Variants in QTMAN observed in about 807,000 individuals in gnomAD.
The protein encoded by QTMAN is queuosine-tRNA mannosyltransferase.
chr2:144,107,862 A>G, the QTMAN span, among the ~76,000 whole-genome samples: 22 of 152,338 alleles, frequency 1.4e-4, no homozygotes, highest in Admixed American at 2.6e-4. Context: ...TCAATAAAAT[A>G]CTGGCAAACC....
At chr2:143,984,588 TG>T in the QTMAN span, among the ~76,000 whole-genome samples, 2 of 152,336 alleles carry the variant, frequency 1.3e-5, no homozygotes, top group Non-Finnish European at 2.9e-5. Flanking sequence ...AGCCTGGACC[TG>T]TGGCCCAAAG....
chr2:144,300,693 G>A, the QTMAN span, among the ~76,000 whole-genome samples: 1 of 152,212 alleles, frequency 6.6e-6, no homozygotes, highest in Non-Finnish European at 1.5e-5. Flanking sequence ...ATTTTTCAAA[G>A]ATATGTGCCA....
the QTMAN span, among the ~76,000 whole-genome samples, chr2:144,081,122 A>G: frequency 7.0e-4 from 107 of 152,262 alleles, no homozygotes; most frequent in African/African-American, 2.5e-3. Context: ...CTCCTTCTCT[A>G]TCAAGTCAGG....
chr2:144,106,286 C>A, the QTMAN span, among the ~76,000 whole-genome samples: 22 of 152,270 alleles, frequency 1.4e-4, no homozygotes, highest in African/African-American at 5.1e-4. Flanking sequence ...GGGCTAAATG[C>A]TCCAATTAAA....
chr2:144,136,405 G>C, the QTMAN span, among the ~76,000 whole-genome samples: 1 of 143,928 alleles, frequency 6.9e-6, no homozygotes, highest in Admixed American at 7.1e-5. Flanking sequence ...AAAAGGAAAG[G>C]AAAGGAAAGG....
the QTMAN span, chr2:144,317,682 A>T: frequency 1.3e-5 from 2 of 152,198 alleles, no homozygotes; most frequent in Non-Finnish European, 2.9e-5. Flanking sequence ...CTCATCAGAC[A>T]AGGGAGTGGA....
chr2:144,041,034 T>C, the QTMAN span, among the ~76,000 whole-genome samples: 8 of 152,350 alleles, frequency 5.3e-5, 1 homozygote, highest in East Asian at 1.4e-3. Context: ...CATTCATCCA[T>C]TCATTCATTC....
the QTMAN span, among the ~76,000 whole-genome samples, chr2:144,286,204 CA>C: frequency 6.6e-6 from 1 of 152,154 alleles, no homozygotes; most frequent in African/African-American, 2.4e-5. Context: ...TCATCTAACA[CA>C]AAGTGTAGCA....
At chr2:144,113,677 C>G in the QTMAN span, among the ~76,000 whole-genome samples, 18,063 of 152,224 alleles carry the variant, frequency 0.12, 1,760 homozygotes, top group East Asian at 0.26. Flanking sequence ...CTTCTGAAAA[C>G]TAAAGACAGA....
chr2:144,176,634 C>T, the QTMAN span, among the ~76,000 whole-genome samples: 2 of 152,032 alleles, frequency 1.3e-5, no homozygotes, highest in African/African-American at 4.8e-5. Context: ...ATTTGGTAGG[C>T]TGATAGTGCA....
At chr2:144,277,311 C>T in the QTMAN span, among the ~76,000 whole-genome samples, 6 of 152,014 alleles carry the variant, frequency 3.9e-5, no homozygotes, top group Admixed American at 1.3e-4. Flanking sequence ...ATAAATTAGA[C>T]GCTATACTTT....
the QTMAN span, among the ~76,000 whole-genome samples, chr2:144,221,893 A>G: frequency 3.5e-3 from 526 of 152,320 alleles, no homozygotes; most frequent in African/African-American, 0.012. Flanking sequence ...AGTAATTCTC[A>G]ATCTTAAAAT....
chr2:144,282,175 C>A, the QTMAN span, among the ~76,000 whole-genome samples: 3 of 152,112 alleles, frequency 2.0e-5, no homozygotes, highest in African/African-American at 7.2e-5. Flanking sequence ...TGGGGCCCAG[C>A]ATTCTCATTT....
At chr2:144,290,512 T>C in the QTMAN span, among the ~76,000 whole-genome samples, 1 of 152,198 alleles carries the variant, frequency 6.6e-6, no homozygotes, top group Admixed American at 6.5e-5. Context: ...AAAGTGTAGA[T>C]AAGATCACTC....
the QTMAN span, among the ~76,000 whole-genome samples, chr2:144,163,795 T>C: frequency 2.6e-5 from 4 of 152,228 alleles, no homozygotes; most frequent in African/African-American, 7.2e-5. Context: ...GTTAAGGTCA[T>C]GTACTCCAAA....
At chr2:144,297,510 T>C in the QTMAN span, among the ~76,000 whole-genome samples, 1 of 151,786 alleles carries the variant, frequency 6.6e-6, no homozygotes, top group South Asian at 2.1e-4. Context: ...TAATTCAAAA[T>C]TACTAGTCTT....
At chr2:144,117,428 A>G in the QTMAN span, among the ~76,000 whole-genome samples, 3 of 152,108 alleles carry the variant, frequency 2.0e-5, no homozygotes, top group South Asian at 4.1e-4. Flanking sequence ...TTTAATCTTC[A>G]TAACTCAGCC....
At chr2:144,219,466 G>C in the QTMAN span, among the ~76,000 whole-genome samples, 1 of 151,986 alleles carries the variant, frequency 6.6e-6, no homozygotes, top group Non-Finnish European at 1.5e-5. Flanking sequence ...GTTAGGAAGT[G>C]TGAGGTGAAG....
At chr2:144,042,632 C>T in the QTMAN span, among the ~76,000 whole-genome samples, 6 of 151,750 alleles carry the variant, frequency 4.0e-5, no homozygotes, top group Non-Finnish European at 7.4e-5. Flanking sequence ...TGGTGGTACA[C>T]GCCTGTAATC....
Sources: gnomAD v4.1 joint callset for allele counts (sites outside exome capture counted in the v4.1 genomes callset) on GRCh38, gnomAD v4.1.1 for gene constraint, MANE v1.5 for transcripts, NCBI Gene and HGNC (gene_info 2026-07-23, HGNC 2026-07-21) for gene names.